Variants in SHPK observed in about 807,000 individuals in gnomAD.
The protein encoded by SHPK is carbohydrate kinase-like protein.
In SHPK, 51 loss-of-function variants were observed where a neutral mutation model predicts 46.3. The ratio of observed to expected loss-of-function variants is 1.10; its 90% confidence interval spans 0.88 to 1.39. SHPK has a LOEUF of 1.39. SHPK is among the 40% of genes most tolerant of loss of function. SHPK has a pLI of 0.00. For missense variants in SHPK, 668 were observed against 641.3 expected (o/e 1.04, Z -0.45); for synonymous variants, 290 against 273.9 (o/e 1.06, Z -0.58).
intron 5 of SHPK, among the ~76,000 whole-genome samples, chr17:3,618,285 T>G (rs917247852): frequency 1.3e-5 from 2 of 151,956 alleles, no homozygotes; most frequent in Non-Finnish European, 2.9e-5. Context: ...TTTTGTATTT[T>G]TAGTAGAGAT....
In SHPK at chr17:3,610,783, C is replaced by A; in HGVS notation, c.1214G>T (p.Gly405Val). The A allele has an allele frequency of 6.2e-7, 1 of 1,614,138 alleles. No homozygotes were observed. The highest frequency in any genetic ancestry group is 1.3e-5 in the African/African-American group (1 of 75,058). Residue 405 changes from glycine to valine, a missense_variant, in exon 7 of 7, where the codon GGC (glycine) becomes GTC (valine). Gly to Val is a moderately radical substitution (Grantham distance 109). Transcript: ENST00000225519. ...LGHVTRALCR[G>V]IVQNLHSMLP... ...CATGGAGTGCAGGTTCTGAACAATGCCTCGGCACAGAGCCCGGGTCACGTG... is the reference window on the plus strand; with the variant it reads ...CATGGAGTGCAGGTTCTGAACAATGACTCGGCACAGAGCCCGGGTCACGTG...
At chr17:3,634,306 A>C (rs1597581263) in intron 1 of SHPK, among the ~76,000 whole-genome samples, 1 of 151,670 alleles carries the variant, frequency 6.6e-6, no homozygotes, top group South Asian at 2.1e-4. Context: ...GCGGTGGCTC[A>C]CACCTGTAAT....
chr17:3,627,275 A>G (rs1433072269), intron 2 of SHPK, among the ~76,000 whole-genome samples: 2 of 151,956 alleles, frequency 1.3e-5, no homozygotes, highest in African/African-American at 4.8e-5. Context: ...GCGTTTACTG[A>G]GCCTGAAAAT....
intron 5 of SHPK, among the ~76,000 whole-genome samples, chr17:3,617,091 C>T (rs747655360): frequency 3.3e-5 from 5 of 152,108 alleles, no homozygotes; most frequent in Non-Finnish European, 7.4e-5. Flanking sequence ...AGGCTGGTCT[C>T]GAACTCCTGG....
Position 3,615,488 on chromosome 17 carries a change from T to C in SHPK, c.873A>G (p.Gly291=). Residue 291 remains glycine, a synonymous_variant, in exon 6 of 7, where the codon GGA becomes GGG. Transcript: ENST00000225519. ...SVQLAASMPS[G]FQPAQTPDPT... ...GGTCTGGAGTCTGTGCAGGCTGGAA[T>C]CCTGAAGGCATGGAGGCTGCCAGCT... 6.2e-7 allele frequency: 1 copy of C among 1,614,112 alleles called. No homozygotes were observed. The highest frequency in any genetic ancestry group is 8.5e-7 in the Non-Finnish European group (1 of 1,180,014).
rs2075335303 is a variant in SHPK, at chr17:3,610,873, TC to T, written c.1123del (p.Glu375ArgfsTer11). 1.2e-6 allele frequency: 2 copies of T among 1,613,864 alleles called. No individual in the cohort carries two copies. The highest frequency in any genetic ancestry group is 3.3e-4 in the Middle Eastern group (2 of 6,058). On this transcript the variant is annotated frameshift_variant, in exon 7 of 7. Coordinates refer to ENST00000225519, the MANE Select transcript of SHPK (RefSeq NM_013276.4). LOFTEE classifies it high-confidence loss of function. ...HLTITPTVLG[E>X]RHLPDQLASV... The stretch of plus-strand genomic sequence containing the variant: ...GGCCAGCTGGTCCGGCAGGTGCCTC[TC>T]CCCCAGCACTGTCGGGGTGATGGTC...
intron 1 of SHPK, 136 bp downstream of exon 1, chr17:3,635,916 C>T (rs1437753116): frequency 8.1e-6 from 7 of 863,850 alleles, no homozygotes; most frequent in African/African-American, 5.4e-5. Flanking sequence ...TGCAGGCAGA[C>T]GGGCCCCTGG....
chr17:3,620,323 C>A (rs868182691), intron 5 of SHPK, among the ~76,000 whole-genome samples: 3 of 151,804 alleles, frequency 2.0e-5, no homozygotes, highest in African/African-American at 7.3e-5. Flanking sequence ...TGCAGTGGCA[C>A]GATCTCGGCT....
intron 4 of SHPK, 40 bp from the exon 5 acceptor site, chr17:3,621,452 A>C: frequency 6.3e-7 from 1 of 1,584,414 alleles, no homozygotes; most frequent in Non-Finnish European, 8.6e-7. Flanking sequence ...ACCCACAGTT[A>C]GGTTTCGGGA....
chr17:3,630,069 A>G (rs1202393654), intron 2 of SHPK, 136 bp downstream of exon 2: 33 of 1,102,786 alleles, frequency 3.0e-5, no homozygotes, highest in Non-Finnish European at 4.2e-5. Flanking sequence ...GGCAGCACGT[A>G]TTCGTCCACT....
chr17:3,625,785 G>A (rs2075431031), intron 2 of SHPK, among the ~76,000 whole-genome samples: 1 of 152,238 alleles, frequency 6.6e-6, no homozygotes, highest in Non-Finnish European at 1.5e-5. Flanking sequence ...AGGCACGGTG[G>A]CTCACGCCTA....
At chr17:3,612,617 G>A (rs890277679) in intron 6 of SHPK, among the ~76,000 whole-genome samples, 4 of 152,098 alleles carry the variant, frequency 2.6e-5, no homozygotes, top group African/African-American at 7.2e-5. Flanking sequence ...TGGGTTGCAG[G>A]CTGCGGGCTG....
intron 1 of SHPK, among the ~76,000 whole-genome samples, chr17:3,631,362 G>T (rs2075470653): frequency 6.6e-6 from 1 of 151,924 alleles, no homozygotes; most frequent in Non-Finnish European, 1.5e-5. Flanking sequence ...CAGGAAGAAG[G>T]GTTCTGGGAA....
In SHPK at chr17:3,636,231, C is replaced by G; in HGVS notation, c.-12G>C. Reference sequence around the variant, plus strand: ...GGCCGCGCAGCCATTATCTCCCTGACCCGCGCAGCTCCAGTCTGCAGCCAG... The same window carrying G: ...GGCCGCGCAGCCATTATCTCCCTGAGCCGCGCAGCTCCAGTCTGCAGCCAG... On this transcript the variant is annotated 5_prime_UTR_variant, in exon 1 of 7. Transcript: ENST00000225519. 6.3e-7 allele frequency: 1 copy of G among 1,593,768 alleles called. No individual in the cohort carries two copies. The highest frequency in any genetic ancestry group is 2.3e-5 in the East Asian group (1 of 43,906).
intron 1 of SHPK, among the ~76,000 whole-genome samples, chr17:3,634,038 A>C (rs373857943): frequency 6.0e-5 from 9 of 149,840 alleles, no homozygotes. Flanking sequence ...GCGGTGCAAG[A>C]TGTGCTTTGT....
chr17:3,631,087 T>C (rs2075468559), intron 1 of SHPK, among the ~76,000 whole-genome samples: 1 of 152,076 alleles, frequency 6.6e-6, no homozygotes, highest in Non-Finnish European at 1.5e-5. Flanking sequence ...CCTGCGGCCT[T>C]GGTCAGGGGC....
At chr17:3,629,937 C>G (rs1388685490) in intron 2 of SHPK, among the ~76,000 whole-genome samples, 8 of 152,078 alleles carry the variant, frequency 5.3e-5, no homozygotes, top group Admixed American at 5.2e-4. Context: ...CTGAATCCTT[C>G]AGGAGAATCC....
Position 3,634,077 on chromosome 17 carries a change from G to A in SHPK, c.168+1975C>T, listed in dbSNP as rs1423375433. On this transcript the variant is annotated intron_variant, in intron 1 of 6. Coordinates refer to ENST00000225519, the MANE Select transcript of SHPK (RefSeq NM_013276.4). ...ACAGATGCTTGAAGGCAGCATGCCC[G>A]TTAAGAGTCATCACCACTCCCTAAT... 5.3e-5 allele frequency among the ~76,000 whole-genome samples: 8 copies of A among 149,804 alleles called. No homozygotes were observed. The South Asian group carries it at 1.5e-3, about 29-fold the overall frequency.
intron 6 of SHPK, among the ~76,000 whole-genome samples, chr17:3,613,205 G>GAATCACCTCA (rs2075351111): frequency 6.6e-6 from 1 of 152,198 alleles, no homozygotes; most frequent in African/African-American, 2.4e-5. Context: ...TAACACTTCA[G>GAATCACCTCA]GCCTCAGAAT....
Sources: allele counts gnomAD v4.1 joint callset (sites outside exome capture counted in the v4.1 genomes callset), GRCh38; gene constraint gnomAD v4.1.1; transcripts MANE v1.5; gene names NCBI Gene and HGNC (gene_info 2026-07-23, HGNC 2026-07-21).